The following BDKRB2 variants were observed in gnomAD, a reference collection of about 807,000 sequenced individuals.
BDKRB2 encodes the protein bradykinin receptor B2.
In BDKRB2, 6 loss-of-function variants were observed where a neutral mutation model predicts 4.0. The ratio of observed to expected loss-of-function variants is 1.49; its 90% CI spans 0.81 to 2.93. The LOEUF (loss-of-function observed/expected upper bound fraction) is 2.93, where lower values mean the gene tolerates loss of function less well. Ranked by LOEUF, BDKRB2 falls within the 30% of genes most tolerant of loss-of-function variation. The probability of loss-of-function intolerance (pLI) is 0.00; values close to 1 mark genes in which losing one functional copy is unlikely to be tolerated. For missense variants in BDKRB2, 478 were observed against 520.1 expected (o/e 0.92, Z 0.79); for synonymous variants, 225 against 215.3 (o/e 1.05, Z -0.40).
chr14:96,235,246 G>A (rs992942863), intron 1 of BDKRB2, among the ~76,000 whole-genome samples: 2 of 150,374 alleles, frequency 1.3e-5, no homozygotes, highest in Non-Finnish European at 2.9e-5. Flanking sequence ...TACTCAGGAG[G>A]CTGAGACAGG....
intron 1 of BDKRB2, among the ~76,000 whole-genome samples, chr14:96,225,388 G>C (rs1034839074): frequency 1.3e-5 from 2 of 152,106 alleles, no homozygotes; most frequent in African/African-American, 2.4e-5. Context: ...ATCAGGGAAG[G>C]CTTCTTAGAG....
At chr14:96,217,420 G>T (rs1890450922) in intron 1 of BDKRB2, among the ~76,000 whole-genome samples, 1 of 152,224 alleles carries the variant, frequency 6.6e-6, no homozygotes, top group Non-Finnish European at 1.5e-5. Flanking sequence ...TTGCCCTAGA[G>T]ATGGGGAAAC....
In BDKRB2 at chr14:96,236,993, C is replaced by T. The variant is rs905001542; in HGVS notation, c.-39-76C>T. The T allele has an allele frequency of 1.1e-5, 10 of 870,818 alleles. No individual in the cohort carries two copies. In the African/African-American group the frequency reaches 1.5e-4, roughly 13 times the overall value. 53.9% of individuals were successfully genotyped at this position (870,818 alleles called of 1,614,324 possible). On this transcript the variant is annotated intron_variant, in intron 1 of 2. Coordinates refer to ENST00000554311, the MANE Select transcript of BDKRB2 (RefSeq NM_001379692.1). ...AGGGACTCAGCAGTCTCCATTTCTC[C>T]TCCCTGCTGGAGAATGCGTGTATTT...
chr14:96,218,448 G>A (rs998471264), intron 1 of BDKRB2, among the ~76,000 whole-genome samples: 2 of 152,052 alleles, frequency 1.3e-5, no homozygotes, highest in Non-Finnish European at 2.9e-5. Context: ...TAAGCCCCTC[G>A]CTGGAATTTG....
At chr14:96,236,410 A>G (rs540561255) in intron 1 of BDKRB2, among the ~76,000 whole-genome samples, 3 of 151,874 alleles carry the variant, frequency 2.0e-5, no homozygotes, top group Admixed American at 6.6e-5. Context: ...TAAACACATG[A>G]CCTTTCTCCT....
chr14:96,225,190 C>T (rs899443111), intron 1 of BDKRB2, among the ~76,000 whole-genome samples: 3 of 152,130 alleles, frequency 2.0e-5, no homozygotes, highest in Non-Finnish European at 4.4e-5. Flanking sequence ...AAAGACATTA[C>T]GGTTGTACAA....
intron 1 of BDKRB2, among the ~76,000 whole-genome samples, chr14:96,215,676 A>C (rs1443277410): frequency 1.3e-5 from 2 of 152,238 alleles, no homozygotes; most frequent in East Asian, 3.9e-4. Flanking sequence ...GATTATTTTT[A>C]TGTTGTCTTG....
rs373864804 is a variant in BDKRB2 at position 96,208,517 on chromosome 14, A to C, written c.-40+3558A>C. Among the ~76,000 whole-genome samples, 25 of 152,284 alleles carry C rather than the reference A, an allele frequency of 1.6e-4. No individual in the cohort carries two copies. In the East Asian group the frequency reaches 4.4e-3, roughly 27 times the overall value. On this transcript the variant is annotated intron_variant, in intron 1 of 2. Transcript: ENST00000554311. ...AGCATCATTCCTATTTTTGAGGACC[A>C]CTAGGAGGCTTACCTCTGTTTGTGC...
At chr14:96,239,190 T>A in intron 2 of BDKRB2, 14 of 985,398 alleles carry the variant, frequency 1.4e-5, no homozygotes, top group Non-Finnish European at 1.7e-5. Flanking sequence ...AAATGCCCAA[T>A]GAGTCCTGCC....
chr14:96,206,869 G>A (rs1199035340), intron 1 of BDKRB2, among the ~76,000 whole-genome samples: 1 of 152,184 alleles, frequency 6.6e-6, no homozygotes, highest in African/African-American at 2.4e-5. Flanking sequence ...CTCGGTGCTG[G>A]AGGCTGGGAA....
chr14:96,208,185 A>G (rs981729665), intron 1 of BDKRB2, among the ~76,000 whole-genome samples: 8 of 152,060 alleles, frequency 5.3e-5, no homozygotes, highest in African/African-American at 1.7e-4. Flanking sequence ...TAAATCCTCA[A>G]TTCCTCCTCT....
intron 1 of BDKRB2, among the ~76,000 whole-genome samples, chr14:96,231,494 C>T (rs190682402): frequency 2.0e-5 from 3 of 152,186 alleles, no homozygotes; most frequent in Non-Finnish European, 2.9e-5. Context: ...GCCATCACCC[C>T]CTTCCGCCAC....
chr14:96,209,957 C>G (rs1330261038), intron 1 of BDKRB2, among the ~76,000 whole-genome samples: 2 of 152,076 alleles, frequency 1.3e-5, no homozygotes, highest in Non-Finnish European at 2.9e-5. Context: ...GATCACACCA[C>G]TGCACTCCAG....
rs749114824 is a variant in BDKRB2, at chr14:96,240,790, C to A, written c.462C>A (p.Asp154Glu). The change falls in exon 3 of 3, where the codon GAC (aspartate) becomes GAA (glutamate). Residue 154 changes from aspartate (D) to glutamate (E), a missense_variant. Physicochemically the swap from Asp to Glu is conservative, Grantham distance 45 (BLOSUM62 2). Transcript: ENST00000554311. ...GTTTCCTGATGCTGGTGAGCATCGA[C>A]CGCTACCTGGCCCTGGTGAAAACCA... ...SICFLMLVSI[D>E]RYLALVKTMS... is the part of the protein sequence containing the mutation. 5 of 1,556,040 alleles carry A rather than the reference C, an allele frequency of 3.2e-6. No homozygotes were observed. Among genetic ancestry groups the A allele is most frequent in the Admixed American group, 1.9e-5 (1 of 52,036 alleles).
At chr14:96,205,123 G>A (rs915727901) in intron 1 of BDKRB2, among the ~76,000 whole-genome samples, 164 bp downstream of exon 1, 1 of 152,162 alleles carries the variant, frequency 6.6e-6, no homozygotes, top group Non-Finnish European at 1.5e-5. Flanking sequence ...GGTCTGACAG[G>A]CGATGGGGAG....
At position 96,242,589 on chromosome 14, in the gene BDKRB2, C is replaced by T. The variant is rs1885323086; in HGVS notation, c.*1085C>T. The T allele has an allele frequency of 1.3e-5, 2 of 152,274 alleles. No homozygotes were observed. The highest frequency in any genetic ancestry group is 4.1e-4 in the South Asian group (2 of 4,836). The allele number at this position is 152,274 out of a possible 1,614,324, so 9.4% of individuals were successfully genotyped here. ...GCACACAGTAGGTGCTCATTGGCTCCCTTCCACCTGTCATTCCCACCACCC... is the reference window on the plus strand; with the variant it reads ...GCACACAGTAGGTGCTCATTGGCTCTCTTCCACCTGTCATTCCCACCACCC... On this transcript the variant is annotated 3_prime_UTR_variant, in exon 3 of 3. Coordinates refer to ENST00000554311, the MANE Select transcript of BDKRB2 (RefSeq NM_001379692.1).
chr14:96,208,454 G>C (rs1426081087), intron 1 of BDKRB2, among the ~76,000 whole-genome samples: 1 of 152,204 alleles, frequency 6.6e-6, no homozygotes, highest in African/African-American at 2.4e-5. Flanking sequence ...GGCCAGGAAA[G>C]TTATCTGAGC....
intron 2 of BDKRB2, chr14:96,239,140 C>A: frequency 2.0e-6 from 2 of 985,516 alleles, no homozygotes; most frequent in African/African-American, 3.5e-5. Context: ...CCAGAAAGAG[C>A]CCCTTTTCCT....
chr14:96,213,689 C>T (rs1467982994), intron 1 of BDKRB2, among the ~76,000 whole-genome samples: 1 of 152,140 alleles, frequency 6.6e-6, no homozygotes, highest in Admixed American at 6.5e-5. Flanking sequence ...GGAGGGTGCA[C>T]AGTGGAGAGA....
Sources: allele counts gnomAD v4.1 joint callset (sites outside exome capture counted in the v4.1 genomes callset), GRCh38; gene constraint gnomAD v4.1.1; transcripts MANE v1.5; gene names NCBI Gene and HGNC (gene_info 2026-07-23, HGNC 2026-07-21).